NIPAL2: variants seen among roughly 807,000 people sequenced by gnomAD.
NIPAL2 encodes the protein NIPA like domain containing 2.
A neutral mutation model predicts 48.9 loss-of-function variants in NIPAL2; 43 were observed. The observed-to-expected ratio is 0.88, with a 90% confidence interval of 0.69 to 1.13. The LOEUF (loss-of-function observed/expected upper bound fraction) is 1.13. Among genes scored for constraint, NIPAL2 ranks in the 50% most tolerant of loss-of-function variants. NIPAL2 has a pLI of 0.00. For missense variants in NIPAL2, 446 were observed against 461.4 expected (o/e 0.97, Z 0.31); for synonymous variants, 167 against 174.6 (o/e 0.96, Z 0.34).
intron 1 of NIPAL2, among the ~76,000 whole-genome samples, chr8:98,282,623 T>C (rs868654370): frequency 1.3e-5 from 2 of 152,260 alleles, no homozygotes; most frequent in South Asian, 2.1e-4. Flanking sequence ...CAGTGAGCTA[T>C]GATTGTACCA....
chr8:98,287,211 G>A (rs973319312), intron 1 of NIPAL2, among the ~76,000 whole-genome samples: 1 of 152,170 alleles, frequency 6.6e-6, no homozygotes, highest in African/African-American at 2.4e-5. Context: ...ACTACAGTCA[G>A]GGTCTATGAA....
chr8:98,204,344 C>G (rs1012292153), intron 7 of NIPAL2, among the ~76,000 whole-genome samples: 1 of 152,168 alleles, frequency 6.6e-6, no homozygotes, highest in Non-Finnish European at 1.5e-5. Flanking sequence ...ATTTCTCACA[C>G]CTACAGAAGG....
intron 5 of NIPAL2, among the ~76,000 whole-genome samples, chr8:98,222,003 T>C (rs916235928): frequency 9.2e-5 from 14 of 152,224 alleles, no homozygotes; most frequent in African/African-American, 3.4e-4. Flanking sequence ...ATTGTGGCAC[T>C]GTTCACAATA....
chr8:98,194,851 A>G (rs770750550), intron 9 of NIPAL2, 29 bp from the exon 10 acceptor site: 2 of 1,306,958 alleles, frequency 1.5e-6, no homozygotes, highest in Admixed American at 4.8e-5. Flanking sequence ...TAAAGAATAC[A>G]AGAACACTGA....
chr8:98,263,413 T>C (rs1341586671), intron 1 of NIPAL2, among the ~76,000 whole-genome samples: 3 of 149,784 alleles, frequency 2.0e-5, no homozygotes, highest in Admixed American at 6.6e-5. Flanking sequence ...GAGAGAAGAA[T>C]CTAATAGATG....
At chr8:98,272,028 C>T (rs1563545680) in intron 1 of NIPAL2, among the ~76,000 whole-genome samples, 1 of 152,042 alleles carries the variant, frequency 6.6e-6, no homozygotes, top group Non-Finnish European at 1.5e-5. Flanking sequence ...ACCAAATTTG[C>T]ACCCCAGGAA....
chr8:98,263,493 A>C (rs1814493472), intron 1 of NIPAL2, among the ~76,000 whole-genome samples: 1 of 150,988 alleles, frequency 6.6e-6, no homozygotes, highest in African/African-American at 2.4e-5. Context: ...AGAGAATACT[A>C]CAAACACCTC....
At chr8:98,228,104 T>A (rs1812266805) in intron 4 of NIPAL2, among the ~76,000 whole-genome samples, 1 of 152,216 alleles carries the variant, frequency 6.6e-6, no homozygotes, top group Admixed American at 6.5e-5. Flanking sequence ...TGCTGGAGGA[T>A]GTGGGAGAGG....
chr8:98,242,687 T>A (rs1172365981), intron 3 of NIPAL2, among the ~76,000 whole-genome samples: 1 of 152,028 alleles, frequency 6.6e-6, no homozygotes, highest in Non-Finnish European at 1.5e-5. Flanking sequence ...GGTTTCACTA[T>A]ATTGGCCAGG....
intron 8 of NIPAL2, 115 bp from the exon 9 acceptor site, chr8:98,196,120 T>C (rs1810531552): frequency 3.3e-6 from 2 of 613,576 alleles, no homozygotes; most frequent in Non-Finnish European, 5.3e-6. Context: ...AATTTAGTCA[T>C]CCTTAAAATG....
intron 3 of NIPAL2, among the ~76,000 whole-genome samples, chr8:98,245,170 G>C (rs1813244839): frequency 6.6e-6 from 1 of 152,130 alleles, no homozygotes; most frequent in Non-Finnish European, 1.5e-5. Flanking sequence ...CTGCTAAAAA[G>C]CAAACCACAA....
At chr8:98,259,069 CCTTTTTT>C (rs1178335621) in intron 1 of NIPAL2, among the ~76,000 whole-genome samples, 31 of 89,356 alleles carry the variant, frequency 3.5e-4, no homozygotes, top group African/African-American at 1.3e-3. Flanking sequence ...TTTAAATATT[CCTTTTTT>C]TTTTTTTTTT....
At chr8:98,257,141 A>T (rs1813943767) in intron 1 of NIPAL2, among the ~76,000 whole-genome samples, 1 of 152,136 alleles carries the variant, frequency 6.6e-6, no homozygotes, top group South Asian at 2.1e-4. Context: ...GTTGGGACAT[A>T]CCTCATTATA....
intron 6 of NIPAL2, among the ~76,000 whole-genome samples, chr8:98,206,103 A>T (rs1178657954): frequency 6.6e-6 from 1 of 152,198 alleles, no homozygotes; most frequent in African/African-American, 2.4e-5. Flanking sequence ...TTTCTGTCTT[A>T]TGTCCCTCGA....
At chr8:98,215,052 C>T (rs1457480879) in intron 5 of NIPAL2, among the ~76,000 whole-genome samples, 3 of 152,308 alleles carry the variant, frequency 2.0e-5, no homozygotes, top group African/African-American at 7.2e-5. Context: ...TTCACAGCAG[C>T]GTTTGGGCCG....
chr8:98,225,681 T>C (rs1362665516), intron 4 of NIPAL2, among the ~76,000 whole-genome samples: 2 of 152,194 alleles, frequency 1.3e-5, no homozygotes, highest in African/African-American at 4.8e-5. Flanking sequence ...GGTAGCTTCT[T>C]TGGGTTAAAT....
At position 98,194,730 on chromosome 8, in the gene NIPAL2, G is replaced by T; in HGVS notation, c.1037C>A (p.Pro346His). The part of the protein sequence containing the change: ...QQSYIDFGNI[P>H]GKQMLDKIQP... ...CTATAAAGAATATATGATTTTACCA[G>T]GAATATTTCCAAAATCAATATAAGA... The change falls in exon 10 of 11, where the codon CCT (proline) becomes CAT (histidine). Residue 346 changes from proline (P) to histidine (H), a missense_variant and splice_region_variant. Physicochemically the swap from Pro to His is moderately conservative, Grantham distance 77. Coordinates refer to ENST00000430223, the MANE Select transcript of NIPAL2 (RefSeq NM_001321635.2). The T allele has an allele frequency of 6.6e-7, 1 of 1,525,152 alleles. No individual in the cohort carries two copies. The highest frequency in any genetic ancestry group is 8.8e-7 in the Non-Finnish European group (1 of 1,132,718). 94.5% of individuals were successfully genotyped at this position (1,525,152 alleles called of 1,614,324 possible).
chr8:98,258,814 A>G (rs1326001518), intron 1 of NIPAL2, among the ~76,000 whole-genome samples: 1 of 151,976 alleles, frequency 6.6e-6, no homozygotes, highest in Non-Finnish European at 1.5e-5. Flanking sequence ...TCTGACCACA[A>G]GGCATCCCTG....
At chr8:98,225,476 T>C (rs1812125391) in intron 4 of NIPAL2, among the ~76,000 whole-genome samples, 1 of 152,260 alleles carries the variant, frequency 6.6e-6, no homozygotes, top group Non-Finnish European at 1.5e-5. Flanking sequence ...GATTTCTGAC[T>C]TAGGAAACTT....
Sources: allele counts gnomAD v4.1 joint callset (sites outside exome capture counted in the v4.1 genomes callset), GRCh38; gene constraint gnomAD v4.1.1; transcripts MANE v1.5; gene names NCBI Gene and HGNC (gene_info 2026-07-23, HGNC 2026-07-21).